Variants in RTN1 observed in about 807,000 individuals in gnomAD.
RTN1 encodes reticulon-1.
A neutral mutation model predicts 65.5 loss-of-function variants in RTN1; 25 were observed. That is an observed-to-expected ratio of 0.38 (90% CI 0.28 to 0.53). RTN1 has a LOEUF of 0.53. Among genes scored for constraint, RTN1 ranks in the 20% least tolerant of loss-of-function variants. The pLI is 0.79. For missense variants in RTN1, 983 were observed against 1,025.4 expected, an observed-to-expected ratio of 0.96 and a Z score of 0.57; for synonymous variants, 471 against 447.6, an observed-to-expected ratio of 1.05 and a Z score of -0.66.
At position 59,727,912 on chromosome 14, in the gene RTN1, T is replaced by C. The variant is rs56211680; in HGVS notation, c.1016-244A>G. ...AATTAGTGTTTTACAGACCTCTCTA[T>C]CTTCAGCTAGCTATTTTAAAAAATG... On this transcript the variant is annotated intron_variant, in intron 2 of 8. Transcript: ENST00000267484. The surrounding 1 kb of genome is among the most constrained non-coding windows in gnomAD (Gnocchi z 4.2). Among the ~76,000 whole-genome samples the C allele has an allele frequency of 0.015, 2,236 of 152,332 alleles. 58 individuals carry two copies. Among genetic ancestry groups the C allele is most frequent in the African/African-American group, 0.051 (2,120 of 41,570 alleles).
chr14:59,812,891 G>A (rs796423879), intron 1 of RTN1, among the ~76,000 whole-genome samples: 13 of 152,268 alleles, frequency 8.5e-5, no homozygotes, highest in African/African-American at 3.1e-4. Flanking sequence ...AAAATCTTCT[G>A]TATCTTATCA....
At chr14:59,663,369 C>A (rs572913266) in intron 3 of RTN1, among the ~76,000 whole-genome samples, 17 of 152,106 alleles carry the variant, frequency 1.1e-4, no homozygotes, top group Non-Finnish European at 2.4e-4. Flanking sequence ...AGACCTAAAC[C>A]ATAAAAACCC....
intron 3 of RTN1, among the ~76,000 whole-genome samples, chr14:59,689,785 C>G (rs868329879): frequency 1.3e-5 from 2 of 152,092 alleles, no homozygotes; most frequent in Non-Finnish European, 2.9e-5. Flanking sequence ...TTAGACCAAC[C>G]TTACAAGCGA....
intron 1 of RTN1, among the ~76,000 whole-genome samples, chr14:59,755,131 G>A (rs1157545831): frequency 6.6e-6 from 1 of 151,964 alleles, no homozygotes; most frequent in Non-Finnish European, 1.5e-5. Flanking sequence ...ACTCTATAAA[G>A]CTCCTCTTAC....
chr14:59,809,680 C>A (rs1177078813), intron 1 of RTN1, among the ~76,000 whole-genome samples: 1 of 152,098 alleles, frequency 6.6e-6, no homozygotes, highest in Non-Finnish European at 1.5e-5. Flanking sequence ...ATAAGAGAGT[C>A]CCAAAGGCAT....
chr14:59,722,779 G>C (rs1384856346), intron 3 of RTN1, among the ~76,000 whole-genome samples: 1 of 150,228 alleles, frequency 6.7e-6, no homozygotes. Flanking sequence ...TGGGAGGGTT[G>C]AGTAGGGAAC....
At chr14:59,862,912 C>T (rs1023064046) in intron 1 of RTN1, among the ~76,000 whole-genome samples, 1 of 152,142 alleles carries the variant, frequency 6.6e-6, no homozygotes, top group Non-Finnish European at 1.5e-5. Context: ...GACCCTGCTT[C>T]CTATTTCATT....
At chr14:59,815,840 T>G (rs1886811414) in intron 1 of RTN1, among the ~76,000 whole-genome samples, 1 of 152,182 alleles carries the variant, frequency 6.6e-6, no homozygotes, top group South Asian at 2.1e-4. Context: ...TTCCCATCCC[T>G]TGAAGGTCTC....
At chr14:59,848,957 G>A (rs1039026732) in intron 1 of RTN1, among the ~76,000 whole-genome samples, 4 of 150,544 alleles carry the variant, frequency 2.7e-5, no homozygotes, top group Admixed American at 2.0e-4. Flanking sequence ...CCACCCCCCC[G>A]GGAAGAATAT....
chr14:59,626,375 C>T (rs1171336212), intron 3 of RTN1, among the ~76,000 whole-genome samples: 1 of 152,186 alleles, frequency 6.6e-6, no homozygotes, highest in East Asian at 1.9e-4. Flanking sequence ...AACTTACATT[C>T]TGGCAATCTG....
intron 3 of RTN1, among the ~76,000 whole-genome samples, chr14:59,656,551 A>G (rs1204410566): frequency 6.6e-6 from 1 of 152,156 alleles, no homozygotes; most frequent in Non-Finnish European, 1.5e-5. Flanking sequence ...CAGAATCGAC[A>G]ATCTAGAATT....
Position 59,750,043 on chromosome 14 carries a change from T to A in RTN1, c.242-3562A>T, listed in dbSNP as rs1274223950. Among the ~76,000 whole-genome samples the A allele has an allele frequency of 3.7e-4, 17 of 46,360 alleles. 1 individual carries two copies. In the South Asian group the frequency reaches 7.5e-3, roughly 21 times the overall value. 30.4% of individuals were successfully genotyped at this position (46,360 alleles called of 152,430 possible). A position where few individuals can be genotyped will look rare whatever the true frequency, so the allele number is the denominator to read the frequency against. On this transcript the variant is annotated intron_variant, in intron 1 of 8. Transcript: ENST00000267484. Reference sequence around the variant, plus strand: ...TATATTATATTATATACATATATTATATATTATATTATATACATATATTAT... The same window carrying A: ...TATATTATATTATATACATATATTAAATATTATATTATATACATATATTAT...
Position 59,829,547 on chromosome 14 carries a change from C to T in RTN1, c.241+40843G>A, listed in dbSNP as rs1236103700. On this transcript the variant is annotated intron_variant, in intron 1 of 8. Transcript: ENST00000267484. The surrounding 1 kb of genome is among the most constrained non-coding windows in gnomAD (Gnocchi z 4.3). The stretch of plus-strand genomic sequence containing the variant: ...GCAACTTCCTGTAAATCTATACTTA[C>T]TGCACATTAAAAATATAAATAGATG... Among the ~76,000 whole-genome samples the T allele has an allele frequency of 2.6e-5, 4 of 152,204 alleles. No individual in the cohort carries two copies. The highest frequency in any genetic ancestry group is 5.9e-5 in the Non-Finnish European group (4 of 68,038).
At chr14:59,654,548 T>C (rs1387888583) in intron 3 of RTN1, among the ~76,000 whole-genome samples, 2 of 144,732 alleles carry the variant, frequency 1.4e-5, no homozygotes, top group Non-Finnish European at 3.0e-5. Flanking sequence ...TACAGAGCAA[T>C]ATCTCTTATG....
chr14:59,812,745 T>C (rs1241397324), intron 1 of RTN1, among the ~76,000 whole-genome samples: 1 of 152,216 alleles, frequency 6.6e-6, no homozygotes, highest in East Asian at 1.9e-4. Context: ...CCCTAGTATA[T>C]CAAATGCATT....
intron 3 of RTN1, among the ~76,000 whole-genome samples, chr14:59,690,414 T>C (rs1239868043): frequency 6.6e-6 from 1 of 152,046 alleles, no homozygotes; most frequent in Non-Finnish European, 1.5e-5. Flanking sequence ...CCTAAATATA[T>C]ATGCACCCAA....
At chr14:59,641,801 A>T (rs1039208656) in intron 3 of RTN1, among the ~76,000 whole-genome samples, 1 of 152,222 alleles carries the variant, frequency 6.6e-6, no homozygotes, top group African/African-American at 2.4e-5. Flanking sequence ...AAACTCCCTT[A>T]GTCTCTGTCT....
intron 1 of RTN1, among the ~76,000 whole-genome samples, chr14:59,834,695 T>C (rs1887184302): frequency 6.6e-6 from 1 of 152,112 alleles, no homozygotes; most frequent in Non-Finnish European, 1.5e-5. Context: ...AGAAGACATA[T>C]AGCTAGCAAA....
intron 1 of RTN1, among the ~76,000 whole-genome samples, chr14:59,812,041 G>A (rs1247360695): frequency 1.3e-5 from 2 of 152,130 alleles, no homozygotes; most frequent in Admixed American, 1.3e-4. Context: ...TATTCAGACT[G>A]AGGTGTGATA....
Sources: gnomAD v4.1 joint callset for allele counts (sites outside exome capture counted in the v4.1 genomes callset) on GRCh38, gnomAD v4.1.1 for gene constraint, Gnocchi (gnomAD v3.1) non-coding constraint, MANE v1.5 for transcripts, NCBI Gene and HGNC (gene_info 2026-07-23, HGNC 2026-07-21) for gene names.